The following STARD13 variants were observed in gnomAD, a reference collection of about 807,000 sequenced individuals.
STARD13 encodes stAR-related lipid transfer protein 13.
A neutral mutation model predicts 106.4 loss-of-function variants in STARD13; 62 were observed. The observed-to-expected ratio is 0.58, with a 90% CI of 0.48 to 0.72. The LOEUF (loss-of-function observed/expected upper bound fraction) is 0.72. Ranked by LOEUF, STARD13 falls within the 30% of genes least tolerant of loss-of-function variation. The pLI, the probability that STARD13 is intolerant of heterozygous loss-of-function variation, is 0.00. For synonymous variants in STARD13, 565 were observed against 553.0 expected (o/e 1.02, Z -0.31); for missense variants, 1,387 against 1,424.0 (o/e 0.97, Z 0.42).
chr13:33,486,071 C>A, the STARD13 span, among the ~76,000 whole-genome samples: 1 of 152,116 alleles, frequency 6.6e-6, no homozygotes, highest in African/African-American at 2.4e-5. Flanking sequence ...ATTTCACCTG[C>A]ATTTTGAGAT....
chr13:33,567,886 T>C, the STARD13 span, among the ~76,000 whole-genome samples: 1 of 148,066 alleles, frequency 6.8e-6, no homozygotes, highest in Non-Finnish European at 1.5e-5. Context: ...TAACCACTGA[T>C]GCTTCCCTTA....
the STARD13 span, among the ~76,000 whole-genome samples, chr13:33,645,655 A>G: frequency 6.6e-6 from 1 of 152,244 alleles, no homozygotes. Context: ...ATTTATTATC[A>G]TTAAACAAAA....
the STARD13 span, among the ~76,000 whole-genome samples, chr13:33,568,997 C>T: frequency 5.5e-4 from 81 of 147,942 alleles, 4 homozygotes; most frequent in African/African-American, 2.0e-3. Context: ...TATGACAGTA[C>T]AGGAGAAGAC....
the STARD13 span, among the ~76,000 whole-genome samples, chr13:33,427,657 C>T: frequency 6.6e-6 from 1 of 152,124 alleles, no homozygotes; most frequent in Non-Finnish European, 1.5e-5. Flanking sequence ...TAGTCCGTAA[C>T]ATAAAAATAG....
chr13:33,551,633 C>G, the STARD13 span, among the ~76,000 whole-genome samples: 230 of 107,806 alleles, frequency 2.1e-3, 6 homozygotes, highest in African/African-American at 8.2e-3. Context: ...GAGTCTCACT[C>G]TGTCAGCCAG....
the STARD13 span, chr13:33,383,740 G>C: frequency 7.7e-6 from 1 of 129,990 alleles, no homozygotes; most frequent in African/African-American, 2.9e-5. Context: ...CTGAGAAACG[G>C]AGTGAGACTG....
the STARD13 span, among the ~76,000 whole-genome samples, chr13:33,440,898 G>A: frequency 6.7e-6 from 1 of 148,802 alleles, no homozygotes; most frequent in East Asian, 2.0e-4. Context: ...TTACAGGCAT[G>A]AGCCACCGTG....
the STARD13 span, among the ~76,000 whole-genome samples, chr13:33,470,429 A>G: frequency 0.52 from 79,531 of 151,958 alleles, 21,749 homozygotes; most frequent in African/African-American, 0.69. Flanking sequence ...AATCCTTTGG[A>G]TATATACCCA....
chr13:33,344,628 T>C (rs1391559175), downstream of STARD13, among the ~76,000 whole-genome samples: 1 of 152,250 alleles, frequency 6.6e-6, no homozygotes, highest in Non-Finnish European at 1.5e-5. Flanking sequence ...TGTTTTAACA[T>C]GACAAGAACT....
At chr13:33,123,806 C>A (rs915194269) in intron 7 of STARD13, among the ~76,000 whole-genome samples, 2 of 152,150 alleles carry the variant, frequency 1.3e-5, no homozygotes, top group African/African-American at 4.8e-5. Context: ...ATATGCGAGG[C>A]GAGTGTTTAG....
chr13:33,320,026 C>T (rs1369416461), intron 1 of STARD13, among the ~76,000 whole-genome samples: 1 of 152,134 alleles, frequency 6.6e-6, no homozygotes, highest in African/African-American at 2.4e-5. Flanking sequence ...AATAGGATTG[C>T]CTACTGTTGT....
At chr13:33,532,708 T>C in the STARD13 span, among the ~76,000 whole-genome samples, 3 of 152,220 alleles carry the variant, frequency 2.0e-5, no homozygotes, top group East Asian at 1.9e-4. Flanking sequence ...GAGAAATTTA[T>C]GTCATTTGGG....
chr13:33,111,746 T>C (rs755491254), intron 10 of STARD13, 32 bp downstream of exon 10: 45 of 1,324,888 alleles, frequency 3.4e-5, no homozygotes, highest in Non-Finnish European at 4.6e-5. Flanking sequence ...CAAGAGCTAC[T>C]AGGGAGGCGG....
intron 1 of STARD13, among the ~76,000 whole-genome samples, chr13:33,169,544 A>G (rs1883709168): frequency 6.6e-6 from 1 of 152,250 alleles, no homozygotes; most frequent in Non-Finnish European, 1.5e-5. Flanking sequence ...ATTTCTAGAC[A>G]TGCTCTAAAC....
chr13:33,342,279 A>G (rs1286243955), intron 1 of STARD13, among the ~76,000 whole-genome samples: 1 of 152,226 alleles, frequency 6.6e-6, no homozygotes, highest in Admixed American at 6.5e-5. Context: ...ATTCCTGGGT[A>G]TCAGGACACT....
At chr13:33,484,563 C>T in the STARD13 span, among the ~76,000 whole-genome samples, 1 of 152,152 alleles carries the variant, frequency 6.6e-6, no homozygotes, top group Non-Finnish European at 1.5e-5. Context: ...ACATCCCCAA[C>T]CAATCAGCAG....
chr13:33,207,580 G>A (rs1211210690), intron 1 of STARD13, among the ~76,000 whole-genome samples: 8 of 152,130 alleles, frequency 5.3e-5, no homozygotes, highest in African/African-American at 7.2e-5. Flanking sequence ...AAAGTAACAC[G>A]AGAGATTTTG....
At chr13:33,209,659 T>C (rs529217154) in intron 1 of STARD13, among the ~76,000 whole-genome samples, 1 of 152,268 alleles carries the variant, frequency 6.6e-6, no homozygotes, top group South Asian at 2.1e-4. Flanking sequence ...ACAGGACATC[T>C]TGAATGACCA....
intron 3 of STARD13, among the ~76,000 whole-genome samples, chr13:33,153,308 C>G (rs191650082): frequency 6.3e-4 from 96 of 152,254 alleles, no homozygotes; most frequent in African/African-American, 2.2e-3. Flanking sequence ...GGTCAGCAGA[C>G]CCTAATGGAA....
Sources: allele counts gnomAD v4.1 joint callset (sites outside exome capture counted in the v4.1 genomes callset), GRCh38; gene constraint gnomAD v4.1.1; transcripts MANE v1.5; gene names NCBI Gene and HGNC (gene_info 2026-07-23, HGNC 2026-07-21).